Variants in ATP9B observed in about 807,000 individuals in gnomAD.
ATP9B encodes the protein ATPase phospholipid transporting 9B, also known as probable phospholipid-transporting ATPase IIB.
Under a neutral mutation model 146.1 loss-of-function variants are expected in ATP9B, and 110 were observed. The ratio of observed to expected loss-of-function variants is 0.75; its 90% CI spans 0.65 to 0.88. The LOEUF (loss-of-function observed/expected upper bound fraction) is 0.88. Ranked by LOEUF, ATP9B falls within the 40% of genes least tolerant of loss-of-function variation. The pLI is 0.00. For synonymous variants in ATP9B, 604 were observed against 569.7 expected, an observed-to-expected ratio of 1.06 and a Z score of -0.86; for missense variants, 1,499 against 1,496.4, an observed-to-expected ratio of 1.00 and a Z score of -0.03.
At position 79,210,640 on chromosome 18, in the gene ATP9B, T is replaced by A. The variant is rs1045081788; in HGVS notation, c.1031-3322T>A. Among the ~76,000 whole-genome samples, 6 of 152,356 alleles carry A rather than the reference T, an allele frequency of 3.9e-5. 1 individual carries two copies. In the East Asian group the frequency reaches 5.8e-4, roughly 15 times the overall value. On this transcript the variant is annotated intron_variant, in intron 10 of 29. Transcript: ENST00000426216. Reference sequence around the variant, plus strand: ...CTTGGTGCGTGGTTGGAGTTGTACGTGCAGTGCTCAGTGTCTGCCTTGCTA... The same window carrying A: ...CTTGGTGCGTGGTTGGAGTTGTACGAGCAGTGCTCAGTGTCTGCCTTGCTA...
chr18:79,206,886 A>T (rs745771214), intron 9 of ATP9B, 51 bp from the exon 10 acceptor site: 1 of 1,556,536 alleles, frequency 6.4e-7, no homozygotes, highest in South Asian at 1.1e-5. Context: ...TAAGGTGTGA[A>T]TAATGAACAA....
intron 11 of ATP9B, among the ~76,000 whole-genome samples, chr18:79,246,563 A>G (rs1167721076): frequency 1.3e-5 from 2 of 152,196 alleles, no homozygotes; most frequent in Non-Finnish European, 2.9e-5. Context: ...CAAAACATAA[A>G]TTTAGGGTAA....
intron 1 of ATP9B, among the ~76,000 whole-genome samples, chr18:79,069,730 G>A (rs2071490661): frequency 6.6e-6 from 1 of 152,232 alleles, no homozygotes; most frequent in Non-Finnish European, 1.5e-5. Context: ...AGCTGCCGGG[G>A]CGAGCGGCTG....
chr18:79,095,016 G>T (rs1258424042), intron 1 of ATP9B, among the ~76,000 whole-genome samples: 1 of 152,108 alleles, frequency 6.6e-6, no homozygotes, highest in African/African-American at 2.4e-5. Context: ...AGGACTGAAT[G>T]ACTGGGTTCC....
chr18:79,251,820 T>A (rs75308695), intron 11 of ATP9B, among the ~76,000 whole-genome samples: 6 of 152,372 alleles, frequency 3.9e-5, no homozygotes, highest in Non-Finnish European at 7.3e-5. Flanking sequence ...TTATTTTTTT[T>A]AATCAGGTTT....
chr18:79,305,929 A>T (rs939528899), intron 14 of ATP9B, among the ~76,000 whole-genome samples: 1 of 152,250 alleles, frequency 6.6e-6, no homozygotes, highest in Non-Finnish European at 1.5e-5. Flanking sequence ...GATAGAGGGC[A>T]TAATCTTTCA....
At chr18:79,293,191 T>G (rs745774822) in intron 13 of ATP9B, among the ~76,000 whole-genome samples, 12 of 151,628 alleles carry the variant, frequency 7.9e-5, no homozygotes, top group Admixed American at 3.3e-4. Flanking sequence ...ACCTAAAAGC[T>G]AACTCAAAAT....
chr18:79,315,008 T>C (rs953349922), intron 15 of ATP9B, among the ~76,000 whole-genome samples: 4 of 152,244 alleles, frequency 2.6e-5, no homozygotes. Flanking sequence ...AATGACTGCT[T>C]ATTCCTCTAG....
intron 9 of ATP9B, among the ~76,000 whole-genome samples, chr18:79,193,648 G>A (rs1022371096): frequency 1.3e-5 from 2 of 152,064 alleles, no homozygotes; most frequent in African/African-American, 4.8e-5. Flanking sequence ...CATGCATGTT[G>A]TGTTTCTTTA....
intron 9 of ATP9B, among the ~76,000 whole-genome samples, chr18:79,205,610 C>T (rs894054531): frequency 3.3e-5 from 5 of 152,174 alleles, no homozygotes; most frequent in African/African-American, 1.2e-4. Context: ...TTACCCTATC[C>T]AGATGTCGAG....
chr18:79,096,544 A>G lies in ATP9B; in HGVS notation c.188A>G (p.Glu63Gly), dbSNP rs1290976897. ...CTAATGATGTCTGAAGAAGGCTTTG[A>G]GAATGAGGAAAGTGATTACCACACC... is the stretch of plus-strand genomic sequence containing the variant. The part of the protein sequence containing the change: ...MPLMMSEEGF[E>G]NEESDYHTLP... The change falls in exon 2 of 30, where the codon GAG (glutamate) becomes GGG (glycine). Residue 63 changes from glutamate (E) to glycine (G), a missense_variant. Coordinates refer to ENST00000426216, the MANE Select transcript of ATP9B (RefSeq NM_198531.5). 3.1e-6 allele frequency: 5 copies of G among 1,613,964 alleles called. No homozygotes were observed. In the Admixed American group the frequency reaches 5.0e-5, roughly 16 times the overall value.
rs190521841 is a variant in ATP9B at position 79,262,749 on chromosome 18, A to G, written c.1268+9208A>G. On this transcript the variant is annotated intron_variant, in intron 12 of 29. Coordinates refer to ENST00000426216, the MANE Select transcript of ATP9B (RefSeq NM_198531.5). ...AACCCTGAGGGTCCAGCGTGGCTGCAAAAACCATCTAGCACTTAGCACCCG... is the reference window on the plus strand; with the variant it reads ...AACCCTGAGGGTCCAGCGTGGCTGCGAAAACCATCTAGCACTTAGCACCCG... Among the ~76,000 whole-genome samples the G allele has an allele frequency of 4.2e-3, 645 of 152,344 alleles. 4 individuals carry two copies. Among genetic ancestry groups the G allele is most frequent in the Non-Finnish European group, 6.0e-3 (409 of 68,040 alleles).
chr18:79,250,108 G>A (rs1359524594), intron 11 of ATP9B, among the ~76,000 whole-genome samples: 1 of 152,226 alleles, frequency 6.6e-6, no homozygotes, highest in Non-Finnish European at 1.5e-5. Flanking sequence ...CAATGAGAAA[G>A]GTAATAATGC....
rs143451273 is a variant in ATP9B, at chr18:79,215,452, C to T, written c.1107+1414C>T. 1.2e-4 allele frequency among the ~76,000 whole-genome samples: 18 copies of T among 152,204 alleles called. No homozygotes were observed. The East Asian group carries it at 3.3e-3, about 28-fold the overall frequency. ...TTGCTAAAGTCAAAGAAGAATGCTG[C>T]GTTACTATTGAGTATAAATCCTAAT... On this transcript the variant is annotated intron_variant, in intron 11 of 29. Coordinates refer to ENST00000426216, the MANE Select transcript of ATP9B (RefSeq NM_198531.5).
chr18:79,375,122 C>T (rs1373091636), intron 28 of ATP9B, among the ~76,000 whole-genome samples: 1 of 152,234 alleles, frequency 6.6e-6, no homozygotes, highest in Non-Finnish European at 1.5e-5. Context: ...CTGAGCTCCT[C>T]TCAGACCTGG....
At chr18:79,230,170 T>C (rs183794065) in intron 11 of ATP9B, among the ~76,000 whole-genome samples, 2 of 152,288 alleles carry the variant, frequency 1.3e-5, no homozygotes, top group East Asian at 3.9e-4. Context: ...TAATATTAGT[T>C]TTCAATAATA....
chr18:79,243,984 C>T (rs903480928), intron 11 of ATP9B, among the ~76,000 whole-genome samples: 2 of 152,154 alleles, frequency 1.3e-5, no homozygotes, highest in Admixed American at 6.5e-5. Flanking sequence ...TAATCTGTAT[C>T]ATTACCTCTT....
chr18:79,143,968 A>G (rs1012889294), intron 6 of ATP9B, 108 bp downstream of exon 6: 14 of 611,958 alleles, frequency 2.3e-5, no homozygotes, highest in Non-Finnish European at 3.8e-5. Flanking sequence ...TGTATTTTGA[A>G]TCATAATATC....
At chr18:79,361,633 TGAAAA>T (rs2096989398) in intron 26 of ATP9B, 2 of 290,514 alleles carry the variant, frequency 6.9e-6, no homozygotes, top group Non-Finnish European at 1.0e-5. Flanking sequence ...TCAAATTCTT[TGAAAA>T]GAAAATAGCA....
Sources: gnomAD v4.1 joint callset for allele counts (sites outside exome capture counted in the v4.1 genomes callset) on GRCh38, gnomAD v4.1.1 for gene constraint, MANE v1.5 for transcripts, NCBI Gene and HGNC (gene_info 2026-07-23, HGNC 2026-07-21) for gene names.